Variants in PARK7 observed in about 807,000 individuals in gnomAD.
PARK7 encodes the protein Parkinsonism associated deglycase, also known as Parkinson disease protein 7.
In PARK7, 14 loss-of-function variants were observed where a neutral mutation model predicts 20.5. The ratio of observed to expected loss-of-function variants is 0.68; its 90% CI spans 0.45 to 1.07. PARK7 has a LOEUF of 1.07. Among genes scored for constraint, PARK7 ranks in the 50% least tolerant of loss-of-function variants. The pLI is 0.00. For synonymous variants in PARK7, 98 were observed against 84.3 expected, an observed-to-expected ratio of 1.16 and a Z score of -0.89; for missense variants, 234 against 238.1, an observed-to-expected ratio of 0.98 and a Z score of 0.11.
intron 6 of PARK7, among the ~76,000 whole-genome samples, chr1:7,979,727 C>A (rs1309103368): frequency 6.6e-6 from 1 of 152,210 alleles, no homozygotes; most frequent in East Asian, 1.9e-4. Flanking sequence ...GTCTTGAACT[C>A]CTGGCCTCAA....
At chr1:7,971,895 T>G (rs1163155314) in intron 5 of PARK7, 1 of 151,694 alleles carries the variant, frequency 6.6e-6, no homozygotes, top group East Asian at 1.9e-4. Flanking sequence ...ATTGTGCCGT[T>G]GCACTCCAGC....
In PARK7 at chr1:7,962,844, T is replaced by C. The variant is rs370430693; in HGVS notation, c.59T>C (p.Val20Ala). ...AAAGGAGCAGAGGAAATGGAGACGGTCATCCCTGTAGATGTCATGAGGCGA... is the reference window on the plus strand; with the variant it reads ...AAAGGAGCAGAGGAAATGGAGACGGCCATCCCTGTAGATGTCATGAGGCGA... Reference protein sequence around the residue: ...LAKGAEEMETVIPVDVMRRAG... With the variant: ...LAKGAEEMETAIPVDVMRRAG... Residue 20 changes from valine to alanine, a missense_variant, in exon 2 of 7, where the codon GTC becomes GCC. Val to Ala is a moderately conservative substitution (Grantham distance 64). Coordinates refer to ENST00000338639, the MANE Select transcript of PARK7 (RefSeq NM_007262.5). 28 of 1,613,066 alleles carry C rather than the reference T, an allele frequency of 1.7e-5. No individual in the cohort carries two copies. The highest frequency in any genetic ancestry group is 2.4e-5 in the Non-Finnish European group (28 of 1,179,888).
intron 6 of PARK7, among the ~76,000 whole-genome samples, chr1:7,983,147 T>G (rs777106898): frequency 3.3e-5 from 5 of 152,234 alleles, no homozygotes; most frequent in Non-Finnish European, 7.3e-5. Flanking sequence ...GCGTGTTCAT[T>G]GAACAGACGT....
Position 7,965,519 on chromosome 1 carries a change from A to C in PARK7, c.192+94A>C, listed in dbSNP as rs934990482. 5.2e-6 allele frequency: 6 copies of C among 1,162,542 alleles called. No homozygotes were observed. In the East Asian group the frequency reaches 1.4e-4, roughly 27 times the overall value. The allele number at this position is 1,162,542 out of a possible 1,614,324, so 72.0% of individuals were successfully genotyped here. On this transcript the variant is annotated intron_variant, in intron 3 of 6. Coordinates refer to ENST00000338639, the MANE Select transcript of PARK7 (RefSeq NM_007262.5). ...TTGTTAGCACAGACTCATTTTAGAA[A>C]ATTATTTTGCTTGAATGTCTTCCCC...
intron 2 of PARK7, among the ~76,000 whole-genome samples, chr1:7,963,807 A>G (rs938208432): frequency 7.1e-6 from 1 of 141,242 alleles, no homozygotes; most frequent in Non-Finnish European, 1.5e-5. Flanking sequence ...TTGTGTATCC[A>G]TGCATGTGTG....
intron 2 of PARK7, among the ~76,000 whole-genome samples, chr1:7,963,866 G>C (rs930316658): frequency 2.7e-5 from 4 of 150,406 alleles, no homozygotes; most frequent in Non-Finnish European, 1.5e-5. Flanking sequence ...ACCCAGGCTG[G>C]AGTGCAGTGG....
At position 7,965,400 on chromosome 1, in the gene PARK7, C is replaced by T; in HGVS notation, c.167C>T (p.Ala56Val). 2.5e-6 allele frequency: 4 copies of T among 1,614,102 alleles called. No individual in the cohort carries two copies. The highest frequency in any genetic ancestry group is 2.5e-6 in the Non-Finnish European group (3 of 1,180,014). The part of the protein sequence containing the change: ...CSRDVVICPD[A>V]SLEDAKKEGP... ...CGTGATGTGGTCATTTGTCCTGATG[C>T]CAGCCTTGAAGATGCAAAAAAAGAG... is the stretch of plus-strand genomic sequence containing the variant. Residue 56 changes from alanine to valine, a missense_variant, in exon 3 of 7, where the codon GCC becomes GTC. Physicochemically the swap from Ala to Val is moderately conservative, Grantham distance 64. Transcript: ENST00000338639.
At position 7,984,928 on chromosome 1, in the gene PARK7, A is replaced by G. The variant is rs772561823; in HGVS notation, c.444A>G (p.Lys148=). The part of the protein sequence containing the change: ...HYTYSENRVE[K]DGLILTSRGP... ...CCTACTCTGAGAATCGTGTGGAAAAAGACGGCCTGATTCTTACAAGCCGGG... is the reference window on the plus strand; with the variant it reads ...CCTACTCTGAGAATCGTGTGGAAAAGGACGGCCTGATTCTTACAAGCCGGG... The change falls in exon 7 of 7, where the codon AAA becomes AAG. Residue 148 remains lysine, a synonymous_variant. Coordinates refer to ENST00000338639, the MANE Select transcript of PARK7 (RefSeq NM_007262.5). The surrounding 1 kb of genome is among the most constrained non-coding windows in gnomAD (Gnocchi z 4.3). 6.2e-7 allele frequency: 1 copy of G among 1,614,158 alleles called. No homozygotes were observed.
At chr1:7,966,096 C>G (rs1640321214) in intron 3 of PARK7, among the ~76,000 whole-genome samples, 1 of 152,086 alleles carries the variant, frequency 6.6e-6, no homozygotes, top group Non-Finnish European at 1.5e-5. Flanking sequence ...TCCCTTTCCT[C>G]AGAAACATGC....
At chr1:7,968,132 A>G (rs1640367643) in intron 3 of PARK7, among the ~76,000 whole-genome samples, 1 of 151,600 alleles carries the variant, frequency 6.6e-6, no homozygotes, top group East Asian at 1.9e-4. Flanking sequence ...AGAGGGTGAA[A>G]CCCCATCTTT....
chr1:7,974,628 C>CA (rs1341432263), intron 5 of PARK7, among the ~76,000 whole-genome samples: 2,078 of 132,592 alleles, frequency 0.016, 44 homozygotes, highest in African/African-American at 0.049. Context: ...GACTCCATCT[C>CA]AAAAAAAAAA....
intron 5 of PARK7, 183 bp downstream of exon 5, chr1:7,971,146 T>C (rs1044978473): frequency 4.3e-6 from 3 of 700,760 alleles, no homozygotes; most frequent in Non-Finnish European, 7.7e-6. Flanking sequence ...TGTTCTGTTT[T>C]CTGCCTCTCC....
At chr1:7,969,429 C>T in intron 4 of PARK7, 25 bp downstream of exon 4, 1 of 1,523,460 alleles carries the variant, frequency 6.6e-7, no homozygotes, top group Non-Finnish European at 9.0e-7. Context: ...TCAATTATAC[C>T]TCAATAAAGC....
At chr1:7,978,844 CAAA>C (rs368607562) in intron 6 of PARK7, among the ~76,000 whole-genome samples, 1 of 107,104 alleles carries the variant, frequency 9.3e-6, no homozygotes, top group African/African-American at 3.6e-5. Context: ...AAGACCCTAT[CAAA>C]AAAAAAAAAA....
Position 7,962,802 on chromosome 1 carries a change from C to T in PARK7, c.17C>T (p.Ala6Val), listed in dbSNP as rs773313843. 1.2e-6 allele frequency: 2 copies of T among 1,606,152 alleles called. No individual in the cohort carries two copies. The highest frequency in any genetic ancestry group is 1.4e-5 in the African/African-American group (1 of 73,048). The change falls in exon 2 of 7, where the codon GCT becomes GTT. Residue 6 changes from alanine to valine, a missense_variant. Transcript: ENST00000338639. MASKR[A>V]LVILAKGAEE... ...AACATAAAAATGGCTTCCAAAAGAGCTCTGGTCATCCTGGCTAAAGGAGCA... is the reference window on the plus strand; with the variant it reads ...AACATAAAAATGGCTTCCAAAAGAGTTCTGGTCATCCTGGCTAAAGGAGCA...
intron 2 of PARK7, among the ~76,000 whole-genome samples, chr1:7,963,123 G>C (rs1265603156): frequency 6.6e-6 from 1 of 152,110 alleles, no homozygotes; most frequent in East Asian, 1.9e-4. Context: ...GAGTGCGATG[G>C]CAGGATCTTG....
chr1:7,965,556 G>A lies in PARK7; in HGVS notation c.192+131G>A, dbSNP rs1382106306. 5 of 784,250 alleles carry A rather than the reference G, an allele frequency of 6.4e-6. No individual in the cohort carries two copies. In the Admixed American group the frequency reaches 1.0e-4, roughly 16 times the overall value. The allele number at this position is 784,250 out of a possible 1,614,324, so 48.6% of individuals were successfully genotyped here. A position where few individuals can be genotyped will look rare whatever the true frequency, so the allele number is the denominator to read the frequency against. On this transcript the variant is annotated intron_variant, in intron 3 of 6. Transcript: ENST00000338639. ...TGAATGTCTTCCCCTGACAGATTAA[G>A]AGGGTGAGGACTTTGTCTTTCTATT...
intron 5 of PARK7, among the ~76,000 whole-genome samples, chr1:7,976,972 G>A (rs1640595794): frequency 6.6e-6 from 1 of 152,142 alleles, no homozygotes; most frequent in Admixed American, 6.6e-5. Flanking sequence ...CAGCCGCCTT[G>A]GCCTCCCAAA....
intron 6 of PARK7, among the ~76,000 whole-genome samples, chr1:7,979,449 TAC>T (rs1455280925): frequency 6.6e-6 from 1 of 152,188 alleles, no homozygotes; most frequent in Non-Finnish European, 1.5e-5. Flanking sequence ...ACATTCTACA[TAC>T]AGTTACATTT....
Sources: allele counts gnomAD v4.1 joint callset (sites outside exome capture counted in the v4.1 genomes callset), GRCh38; gene constraint gnomAD v4.1.1; non-coding constraint Gnocchi (gnomAD v3.1); transcripts MANE v1.5; gene names NCBI Gene and HGNC (gene_info 2026-07-23, HGNC 2026-07-21).